Variants in TRANK1 observed in about 807,000 individuals in gnomAD.
TRANK1 encodes the protein TPR and ankyrin repeat-containing protein 1.
TRANK1 carries 198 observed loss-of-function variants against 266.0 expected under a neutral mutation model. The ratio of observed to expected loss-of-function variants is 0.74; its 90% CI spans 0.66 to 0.84. The LOEUF (loss-of-function observed/expected upper bound fraction) is 0.84, where lower values mean the gene tolerates loss of function less well. Ranked by LOEUF, TRANK1 falls within the 40% of genes least tolerant of loss-of-function variation. The probability of loss-of-function intolerance (pLI) is 0.00; values close to 1 mark genes in which losing one functional copy is unlikely to be tolerated. For synonymous variants in TRANK1, 1,396 were observed against 1,384.1 expected, an observed-to-expected ratio of 1.01 and a Z score of -0.19; for missense variants, 3,326 against 3,634.6, an observed-to-expected ratio of 0.92 and a Z score of 2.18.
chr3:36,930,396 T>C (rs1451204567), intron 1 of TRANK1, among the ~76,000 whole-genome samples: 1 of 152,062 alleles, frequency 6.6e-6, no homozygotes, highest in Non-Finnish European at 1.5e-5. Context: ...ACTTTCCCGG[T>C]AGGAACTCAG....
chr3:36,836,420 A>G (rs989901974), intron 20 of TRANK1, among the ~76,000 whole-genome samples: 13 of 152,222 alleles, frequency 8.5e-5, no homozygotes, highest in African/African-American at 3.1e-4. Flanking sequence ...CAGACCTAAC[A>G]CTATATAGCA....
At chr3:36,898,502 C>G (rs2079826212) in intron 4 of TRANK1, among the ~76,000 whole-genome samples, 1 of 151,860 alleles carries the variant, frequency 6.6e-6, no homozygotes. Flanking sequence ...AAAGTCACAT[C>G]AGGCGAGTAG....
At chr3:36,915,291 A>G (rs2080109488) in intron 1 of TRANK1, among the ~76,000 whole-genome samples, 1 of 152,208 alleles carries the variant, frequency 6.6e-6, no homozygotes, top group Non-Finnish European at 1.5e-5. Flanking sequence ...GATAATGTAC[A>G]TATTCATAGT....
rs2080098121 is a variant in TRANK1 at position 36,914,454 on chromosome 3, T to C, written c.24-6000A>G. On this transcript the variant is annotated intron_variant, in intron 1 of 23. Transcript: ENST00000645898. ...CTGCACCCAGCTGGTGTCTTCCTTT[T>C]TTTTTTTTTTTTAAGTAAATTTTAT... 1.3e-5 allele frequency among the ~76,000 whole-genome samples: 2 copies of C among 150,640 alleles called. 1 individual carries two copies. The highest frequency in any genetic ancestry group is 4.2e-4 in the South Asian group (2 of 4,762).
chr3:36,898,194 T>G (rs1465663570), intron 4 of TRANK1, among the ~76,000 whole-genome samples: 1 of 152,242 alleles, frequency 6.6e-6, no homozygotes, highest in Non-Finnish European at 1.5e-5. Flanking sequence ...GGCTTACGCC[T>G]GTAATCTCAG....
At position 36,865,016 on chromosome 3, in the gene TRANK1, T is replaced by G. The variant is rs902981445; in HGVS notation, c.1079-536A>C. Among the ~76,000 whole-genome samples, 30 of 140,532 alleles carry G rather than the reference T, an allele frequency of 2.1e-4. No homozygotes were observed. In the East Asian group the frequency reaches 5.1e-3, roughly 24 times the overall value. 92.2% of individuals were successfully genotyped at this position (140,532 alleles called of 152,430 possible). ...TTGTTGGTTTTTGGGGGTTTTTTTG[T>G]TTTTTTGGTTTTTTTTTTTTTTTTT... On this transcript the variant is annotated intron_variant, in intron 9 of 23. Coordinates refer to ENST00000645898, the MANE Select transcript of TRANK1 (RefSeq NM_001329998.2).
intron 4 of TRANK1, among the ~76,000 whole-genome samples, chr3:36,897,587 C>T (rs542698853): frequency 6.6e-6 from 1 of 152,220 alleles, no homozygotes; most frequent in Non-Finnish European, 1.5e-5. Flanking sequence ...GCAATGGGAA[C>T]AGTTTGATTG....
At chr3:36,835,304 G>A (rs1257740724) in intron 20 of TRANK1, among the ~76,000 whole-genome samples, 47 of 106,656 alleles carry the variant, frequency 4.4e-4, no homozygotes, top group Non-Finnish European at 3.4e-5. Context: ...GGGCGACAGA[G>A]CGAGACTCCG....
chr3:36,869,586 G>T (rs2079276468), intron 9 of TRANK1, among the ~76,000 whole-genome samples: 1 of 152,204 alleles, frequency 6.6e-6, no homozygotes, highest in African/African-American at 2.4e-5. Context: ...GGATTAGGAT[G>T]GGGAAGGATT....
At chr3:36,884,384 G>A (rs988086431) in intron 8 of TRANK1, among the ~76,000 whole-genome samples, 1 of 152,186 alleles carries the variant, frequency 6.6e-6, no homozygotes, top group Admixed American at 6.5e-5. Flanking sequence ...CTGGGACAGG[G>A]ACCACGCAAT....
intron 5 of TRANK1, among the ~76,000 whole-genome samples, chr3:36,894,694 T>A (rs2079762360): frequency 6.6e-6 from 1 of 152,172 alleles, no homozygotes; most frequent in Non-Finnish European, 1.5e-5. Context: ...TCCAACAGAA[T>A]CCATTACCTT....
At chr3:36,880,008 ATG>A (rs1341015979) in intron 8 of TRANK1, among the ~76,000 whole-genome samples, 728 of 39,682 alleles carry the variant, frequency 0.018, 266 homozygotes, top group Admixed American at 0.073. Context: ...ATGCAAATAT[ATG>A]TAAACATGCA....
At position 36,833,003 on chromosome 3, in the gene TRANK1, T is replaced by C; in HGVS notation, c.6580A>G (p.Arg2194Gly). The C allele has an allele frequency of 4.3e-6, 7 of 1,612,130 alleles. No individual in the cohort carries two copies. The highest frequency in any genetic ancestry group is 5.9e-6 in the Non-Finnish European group (7 of 1,178,990). ...TCACATTTTAAGCCTACAATAAACC[T>C]CATGCAGACTCCTCGGTAGGTCTTC... is the stretch of plus-strand genomic sequence containing the variant. ...LGKTYRGVCM[R>G]FIVGLKCEDE... is the part of the protein sequence containing the mutation. The change falls in exon 22 of 24, where the codon AGG becomes GGG. Residue 2194 changes from arginine (R) to glycine (G), a missense_variant. By Grantham distance (125) the Arg-to-Gly change is moderately radical. Coordinates refer to ENST00000645898, the MANE Select transcript of TRANK1 (RefSeq NM_001329998.2).
intron 1 of TRANK1, among the ~76,000 whole-genome samples, chr3:36,918,518 AGAAAGAAAGAAAGAAGGAAG>A (rs2080162298): frequency 2.8e-5 from 1 of 35,276 alleles, no homozygotes; most frequent in African/African-American, 1.2e-4. Context: ...AAAGAAAGAA[AGAAAGAAAGAAAGAAGGAAG>A]GAAGGAAGGA....
Position 36,880,182 on chromosome 3 carries a change from A to ACTAT in TRANK1, c.908-5887_908-5886insATAG, listed in dbSNP as rs1317029137. 2 of 95,944 alleles carry ACTAT rather than the reference A, an allele frequency of 2.1e-5. 1 individual carries two copies. The allele number at this position is 95,944 out of a possible 1,614,324, so 5.9% of individuals were successfully genotyped here. On this transcript the variant is annotated intron_variant, in intron 8 of 23. Coordinates refer to ENST00000645898, the MANE Select transcript of TRANK1 (RefSeq NM_001329998.2). ...TATATATAAAACAATGTGAACAATT[A>ACTAT]CATCATCTTCTGGACGAGAATGCCA...
At chr3:36,842,732 T>C in intron 17 of TRANK1, 22 bp from the exon 18 acceptor site, 3 of 1,603,346 alleles carry the variant, frequency 1.9e-6, no homozygotes, top group Non-Finnish European at 2.6e-6. Context: ...AAGAAAAGTG[T>C]GTTTGCTTCT....
chr3:36,944,097 G>A (rs1323571183), intron 1 of TRANK1, among the ~76,000 whole-genome samples: 1 of 152,146 alleles, frequency 6.6e-6, no homozygotes, highest in African/African-American at 2.4e-5. Flanking sequence ...GCGCCTCCCA[G>A]GCAACAGACT....
chr3:36,897,691 C>T (rs755515534), intron 4 of TRANK1, among the ~76,000 whole-genome samples: 13 of 152,214 alleles, frequency 8.5e-5, no homozygotes, highest in South Asian at 4.1e-4. Context: ...TTTTCATATT[C>T]TAACATCTCT....
intron 1 of TRANK1, among the ~76,000 whole-genome samples, chr3:36,922,151 AAATAAT>A (rs1212199159): frequency 1.3e-5 from 2 of 151,906 alleles, no homozygotes; most frequent in South Asian, 4.2e-4. Context: ...ATCTCAATAA[AAATAAT>A]AATAATAATA....
Sources: allele counts gnomAD v4.1 joint callset (sites outside exome capture counted in the v4.1 genomes callset), GRCh38; gene constraint gnomAD v4.1.1; transcripts MANE v1.5; gene names NCBI Gene and HGNC (gene_info 2026-07-23, HGNC 2026-07-21).